Variants in TLN2 observed in about 807,000 individuals in gnomAD.
TLN2 encodes the protein talin-2.
In TLN2, 118 loss-of-function variants were observed where a neutral mutation model predicts 294.7. The observed-to-expected ratio is 0.40, with a 90% CI of 0.34 to 0.47. The LOEUF (loss-of-function observed/expected upper bound fraction) is 0.47. Among genes scored for constraint, TLN2 ranks in the 20% least tolerant of loss-of-function variants. The pLI is 0.84. For missense variants in TLN2, 3,083 were observed against 3,282.2 expected (o/e 0.94, Z 1.48); for synonymous variants, 1,431 against 1,304.5 (o/e 1.10, Z -2.09).
intron 1 of TLN2, among the ~76,000 whole-genome samples, chr15:62,454,339 C>T (rs1018659255): frequency 2.4e-4 from 37 of 152,234 alleles, no homozygotes; most frequent in African/African-American, 8.4e-4. Flanking sequence ...GCTTCAACTG[C>T]TGCCCCACAC....
chr15:62,781,345 C>T (rs2064150052), intron 44 of TLN2, 104 bp downstream of exon 44: 5 of 843,860 alleles, frequency 5.9e-6, no homozygotes, highest in Non-Finnish European at 9.6e-6. Flanking sequence ...AGAGCCCAGA[C>T]CACTCTCTAG....
chr15:62,678,799 C>G (rs1383477257), intron 11 of TLN2, among the ~76,000 whole-genome samples: 1 of 152,080 alleles, frequency 6.6e-6, no homozygotes, highest in East Asian at 1.9e-4. Context: ...CTACTGCACT[C>G]CCACCTGGGC....
chr15:62,556,322 T>C (rs1449292848), intron 1 of TLN2, among the ~76,000 whole-genome samples: 2 of 152,110 alleles, frequency 1.3e-5, no homozygotes, highest in African/African-American at 4.8e-5. Flanking sequence ...TTTTTTCTTT[T>C]CTTTTACAGG....
chr15:62,562,368 C>T (rs928985356), intron 1 of TLN2, among the ~76,000 whole-genome samples: 3 of 151,986 alleles, frequency 2.0e-5, no homozygotes, highest in African/African-American at 7.3e-5. Context: ...GGGTTGTGGC[C>T]CTCGTCCTTC....
Position 62,833,337 on chromosome 15 carries a change from G to A in TLN2, c.7003-167G>A. 4 of 1,035,842 alleles carry A rather than the reference G, an allele frequency of 3.9e-6. No individual in the cohort carries two copies. In the East Asian group the frequency reaches 7.5e-5, roughly 20 times the overall value. 64.2% of individuals were successfully genotyped at this position (1,035,842 alleles called of 1,614,324 possible). ...AAGAGTCCTGAAAGTTTGCACAGGGGACCTGTCATCTGCTTCTTGTTAAGG... is the reference window on the plus strand; with the variant it reads ...AAGAGTCCTGAAAGTTTGCACAGGGAACCTGTCATCTGCTTCTTGTTAAGG... On this transcript the variant is annotated intron_variant, in intron 54 of 58. Transcript: ENST00000636159.
chr15:62,542,516 G>C (rs184759133), intron 1 of TLN2, among the ~76,000 whole-genome samples: 1 of 152,242 alleles, frequency 6.6e-6, no homozygotes, highest in African/African-American at 2.4e-5. Flanking sequence ...GACCACAATT[G>C]ACTGCAGGCA....
intron 1 of TLN2, among the ~76,000 whole-genome samples, chr15:62,576,900 A>G (rs1379760027): frequency 6.6e-6 from 1 of 152,040 alleles, no homozygotes; most frequent in Non-Finnish European, 1.5e-5. Flanking sequence ...AGGCGAGTGG[A>G]GTAGGATTCC....
intron 1 of TLN2, among the ~76,000 whole-genome samples, chr15:62,551,057 C>A (rs532285110): frequency 9.2e-5 from 14 of 152,192 alleles, no homozygotes; most frequent in African/African-American, 3.4e-4. Flanking sequence ...GATCATCAGG[C>A]ATTCGATTCT....
At chr15:62,701,919 A>C in intron 17 of TLN2, 73 bp from the exon 18 acceptor site, 1 of 1,539,312 alleles carries the variant, frequency 6.5e-7, no homozygotes, top group Non-Finnish European at 8.9e-7. Flanking sequence ...AACTCCTGCC[A>C]GTGTGGGGTT....
At chr15:62,451,916 A>G (rs981253958) in intron 1 of TLN2, among the ~76,000 whole-genome samples, 2 of 152,140 alleles carry the variant, frequency 1.3e-5, no homozygotes, top group Non-Finnish European at 2.9e-5. Context: ...TCGTATATTT[A>G]TGTGACCTGA....
chr15:62,565,062 T>C (rs1199806090), intron 1 of TLN2, among the ~76,000 whole-genome samples: 1 of 151,968 alleles, frequency 6.6e-6, no homozygotes, highest in African/African-American at 2.4e-5. Flanking sequence ...TGTGCTTGTC[T>C]GCTTGCTAGA....
At chr15:62,610,366 C>T (rs1312462597) in intron 2 of TLN2, among the ~76,000 whole-genome samples, 1 of 152,210 alleles carries the variant, frequency 6.6e-6, no homozygotes, top group South Asian at 2.1e-4. Flanking sequence ...GTCAGCCAGT[C>T]AGTACATAAC....
At chr15:62,726,048 C>A (rs539352567) in intron 27 of TLN2, among the ~76,000 whole-genome samples, 28 of 152,112 alleles carry the variant, frequency 1.8e-4, no homozygotes, top group Non-Finnish European at 3.2e-4. Context: ...TTAATGACAG[C>A]GTTGGGATTG....
chr15:62,752,249 C>T (rs2061978417), intron 34 of TLN2, 56 bp from the exon 35 acceptor site: 2 of 1,599,564 alleles, frequency 1.3e-6, no homozygotes, highest in African/African-American at 1.3e-5. Flanking sequence ...GCCTCCTTTA[C>T]CCCTTGGTTT....
rs28516440 is a variant in TLN2 at position 62,525,231 on chromosome 15, G to T, written c.-237-64456G>T. On this transcript the variant is annotated intron_variant, in intron 1 of 58. Transcript: ENST00000636159. ...TTAATCAGTTTATTAAAGTTGATTT[G>T]CTAAGGCCATCCACGTGTCCTCAGG... is the stretch of plus-strand genomic sequence containing the variant. Among the ~76,000 whole-genome samples the T allele has an allele frequency of 9.6e-3, 1,463 of 152,278 alleles. 27 individuals carry two copies. The highest frequency in any genetic ancestry group is 0.033 in the African/African-American group (1,392 of 41,556).
chr15:62,839,053 A>G (rs2070232366), intron 58 of TLN2, 72 bp downstream of exon 58: 4 of 1,547,916 alleles, frequency 2.6e-6, no homozygotes, highest in Admixed American at 1.9e-5. Context: ...ACAAAAGAAT[A>G]GTGACTTCAA....
At chr15:62,448,001 G>C (rs1050797104) in intron 1 of TLN2, among the ~76,000 whole-genome samples, 1 of 152,208 alleles carries the variant, frequency 6.6e-6, no homozygotes, top group African/African-American at 2.4e-5. Flanking sequence ...GCTTCCAAAG[G>C]CTGGCCAAGG....
At chr15:62,553,765 C>A (rs1308608658) in intron 1 of TLN2, among the ~76,000 whole-genome samples, 1 of 151,962 alleles carries the variant, frequency 6.6e-6, no homozygotes, top group Non-Finnish European at 1.5e-5. Context: ...TAGCATTATG[C>A]TTTGTTATTG....
chr15:62,825,825 T>TTATATATTA (rs1491507979), intron 54 of TLN2, among the ~76,000 whole-genome samples: 1 of 24,508 alleles, frequency 4.1e-5, no homozygotes, highest in Non-Finnish European at 7.2e-5. Flanking sequence ...ATAATATATA[T>TTATATATTA]TATAATATAT....
Sources: gnomAD v4.1 joint callset for allele counts (sites outside exome capture counted in the v4.1 genomes callset) on GRCh38, gnomAD v4.1.1 for gene constraint, MANE v1.5 for transcripts, NCBI Gene and HGNC (gene_info 2026-07-23, HGNC 2026-07-21) for gene names.